MIA3: variants seen among roughly 807,000 people sequenced by gnomAD.
MIA3 encodes MIA SH3 domain ER export factor 3.
In MIA3, 90 loss-of-function variants were observed where a neutral mutation model predicts 192.4. That is an observed-to-expected ratio of 0.47 (90% CI 0.39 to 0.56). MIA3 has a LOEUF of 0.56. Ranked by LOEUF, MIA3 falls within the 20% of genes least tolerant of loss-of-function variation. The pLI, the probability that MIA3 is intolerant of heterozygous loss-of-function variation, is 0.00. For synonymous variants in MIA3, 740 were observed against 792.8 expected, an observed-to-expected ratio of 0.93 and a Z score of 1.12; for missense variants, 2,123 against 2,269.4, an observed-to-expected ratio of 0.94 and a Z score of 1.31.
At chr1:222,659,158 G>T (rs559845568) in intron 19 of MIA3, 1 of 435,506 alleles carries the variant, frequency 2.3e-6, no homozygotes, top group South Asian at 3.4e-5. Context: ...GTAATTAAAG[G>T]ATGAAAAAAG....
intron 2 of MIA3, among the ~76,000 whole-genome samples, chr1:222,624,310 T>A (rs1049326467): frequency 6.6e-6 from 1 of 152,148 alleles, no homozygotes; most frequent in Non-Finnish European, 1.5e-5. Context: ...GAGAGAAATA[T>A]AAACAAACGT....
intron 27 of MIA3, among the ~76,000 whole-genome samples, chr1:222,664,508 A>G (rs1046808217): frequency 6.6e-6 from 1 of 152,232 alleles, no homozygotes; most frequent in Non-Finnish European, 1.5e-5. Flanking sequence ...ACATTCTACA[A>G]CATAAAGCTT....
chr1:222,660,119 A>G (rs1663935657), intron 23 of MIA3, 58 bp from the exon 24 acceptor site: 2 of 1,597,198 alleles, frequency 1.3e-6, no homozygotes, highest in African/African-American at 1.4e-5. Flanking sequence ...TAATCCCAAG[A>G]ACTGAATAAA....
chr1:222,644,288 G>C, intron 6 of MIA3: 1 of 1,405,586 alleles, frequency 7.1e-7, no homozygotes, highest in Non-Finnish European at 9.3e-7. Flanking sequence ...AGGTGCGCCA[G>C]GGGCAGTGGC....
chr1:222,632,055 A>G (rs969528692), intron 4 of MIA3, 110 bp from the exon 5 acceptor site: 1 of 825,920 alleles, frequency 1.2e-6, no homozygotes, highest in Non-Finnish European at 1.9e-6. Context: ...GCTCCATGGG[A>G]TGCCCATGCA....
intron 6 of MIA3, among the ~76,000 whole-genome samples, chr1:222,642,337 C>T (rs1306763272): frequency 6.6e-6 from 1 of 152,110 alleles, no homozygotes; most frequent in African/African-American, 2.4e-5. Context: ...GTAGTAGTCT[C>T]TACTTTTCTC....
chr1:222,660,307 T>A lies in MIA3; in HGVS notation c.5106T>A (p.Ser1702Arg). The A allele has an allele frequency of 4.4e-6, 7 of 1,607,232 alleles. No homozygotes were observed. The highest frequency in any genetic ancestry group is 5.9e-6 in the Non-Finnish European group (7 of 1,177,822). The stretch of plus-strand genomic sequence containing the variant: ...TCAATCGAAGAGATATGCCTAGAAG[T>A]GAATTTGGTGAGCATTCACATGTTT... ...ATLNRRDMPR[S>R]EFGSVDGPLP... The change falls in exon 24 of 28, where the codon AGT becomes AGA. Residue 1702 changes from serine (S) to arginine (R), a missense_variant. Physicochemically the swap from Ser to Arg is moderately radical, Grantham distance 110. This residue lies in a region of MIA3 where 762 missense variants were observed against 856.4 expected (regional missense o/e 0.89). Coordinates refer to ENST00000344922, the MANE Select transcript of MIA3 (RefSeq NM_198551.4).
chr1:222,658,550 C>T, intron 18 of MIA3, 172 bp from the exon 19 acceptor site: 1 of 479,746 alleles, frequency 2.1e-6, no homozygotes, highest in Non-Finnish European at 3.8e-6. Flanking sequence ...GATGTATCAA[C>T]AGGCCACAGT....
chr1:222,654,634 CA>C lies in MIA3; in HGVS notation c.4469-18del. The C allele has an allele frequency of 6.2e-7, 1 of 1,612,008 alleles. No individual in the cohort carries two copies. Among genetic ancestry groups the C allele is most frequent in the Non-Finnish European group, 8.5e-7 (1 of 1,179,098 alleles). ...AGTTCTTGTGCACACATATGGAACT[CA>C]AATGTTTTATCCTTTACAGACCAGG... On this transcript the variant is annotated intron_variant, in intron 17 of 27. Transcript: ENST00000344922.
At chr1:222,641,883 C>A (rs1662877067) in intron 6 of MIA3, 2 of 461,750 alleles carry the variant, frequency 4.3e-6, no homozygotes, top group Non-Finnish European at 4.4e-6. Flanking sequence ...AAGCCTAAAA[C>A]TGGAAAAAAT....
chr1:222,622,392 T>C (rs914831396), intron 2 of MIA3, among the ~76,000 whole-genome samples: 2 of 152,238 alleles, frequency 1.3e-5, no homozygotes, highest in Admixed American at 1.3e-4. Context: ...CTCGATATCT[T>C]TAGGATTGTC....
Position 222,644,785 on chromosome 1 carries a change from T to A in MIA3, c.3478-769T>A, listed in dbSNP as rs116425286. Among the ~76,000 whole-genome samples, 569 of 152,174 alleles carry A rather than the reference T, an allele frequency of 3.7e-3. 2 individuals carry two copies. The highest frequency in any genetic ancestry group is 0.011 in the African/African-American group (474 of 41,490). ...AGGTTTCGTCACTCTTTTTTTTTTTTTTATTGAGTACTTACGAAGTGACAG... is the reference window on the plus strand; with the variant it reads ...AGGTTTCGTCACTCTTTTTTTTTTTATTATTGAGTACTTACGAAGTGACAG... On this transcript the variant is annotated intron_variant, in intron 6 of 27. Transcript: ENST00000344922.
At chr1:222,650,173 T>G in intron 8 of MIA3, 119 bp from the exon 9 acceptor site, 1 of 710,416 alleles carries the variant, frequency 1.4e-6, no homozygotes, top group Non-Finnish European at 2.6e-6. Context: ...CCATAATAGT[T>G]ATGCTGAGAA....
intron 11 of MIA3, among the ~76,000 whole-genome samples, chr1:222,651,415 T>C (rs1165354168): frequency 1.3e-5 from 2 of 151,868 alleles, no homozygotes; most frequent in Non-Finnish European, 2.9e-5. Context: ...TTGTACTCTT[T>C]GGAAGGAAGT....
At position 222,665,491 on chromosome 1, in the gene MIA3, G is replaced by A. The variant is rs200782104; in HGVS notation, c.5596G>A (p.Gly1866Ser). Residue 1866 changes from glycine (G) to serine (S), a missense_variant, in exon 28 of 28, where the codon GGT becomes AGT. This residue lies in a region of MIA3 where 762 missense variants were observed against 856.4 expected (regional missense o/e 0.89). Coordinates refer to ENST00000344922, the MANE Select transcript of MIA3 (RefSeq NM_198551.4). ...TACCCGATTACCACCCCCAACCCAT[G>A]GTCCCCAGGAATACCCACCACCACC... Reference protein sequence around the residue: ...PGTRLPPPTHGPQEYPPPPAV... With the variant: ...PGTRLPPPTHSPQEYPPPPAV... 66 of 1,613,982 alleles carry A rather than the reference G, an allele frequency of 4.1e-5. No homozygotes were observed. In the African/African-American group the frequency reaches 8.4e-4, roughly 21 times the overall value.
intron 6 of MIA3, among the ~76,000 whole-genome samples, chr1:222,633,671 C>G (rs3002145): frequency 2.0e-4 from 30 of 151,192 alleles, no homozygotes; most frequent in African/African-American, 7.1e-4. Context: ...TAAGCAGATT[C>G]GAAAGAGATG....
Position 222,659,531 on chromosome 1 carries a change from C to G in MIA3, c.4770+18C>G. ...AAAACCAGGTAATAATTCTAGTGCC[C>G]TACTATATAGTGCCCGGAATTCTTT... On this transcript the variant is annotated intron_variant, in intron 20 of 27. Coordinates refer to ENST00000344922, the MANE Select transcript of MIA3 (RefSeq NM_198551.4). 6.2e-7 allele frequency: 1 copy of G among 1,612,156 alleles called. No individual in the cohort carries two copies. Among genetic ancestry groups the G allele is most frequent in the Non-Finnish European group, 8.5e-7 (1 of 1,178,396 alleles).
At position 222,618,257 on chromosome 1, in the gene MIA3, AGGGGCGGCTGGCCTC is replaced by A. The variant is rs573900426; in HGVS notation, c.133+29_133+43del. ...ACGAATGCAGCAGTGAGTGCGCTGGAGGGGCGGCTGGCCTCGGGGCGGCTGGCCTTGGGGTCTCCG... is the reference window on the plus strand; with the variant it reads ...ACGAATGCAGCAGTGAGTGCGCTGGAGGGGCGGCTGGCCTTGGGGTCTCCG... On this transcript the variant is annotated intron_variant, in intron 1 of 27. Transcript: ENST00000344922. 9.8e-3 allele frequency: 13,940 copies of A among 1,426,620 alleles called. 62 individuals carry two copies. The highest frequency in any genetic ancestry group is 0.018 in the Middle Eastern group (97 of 5,342). The allele number at this position is 1,426,620 out of a possible 1,614,324, so 88.4% of individuals were successfully genotyped here.
chr1:222,644,564 C>G (rs1407763316), intron 6 of MIA3: 1 of 1,550,608 alleles, frequency 6.4e-7, no homozygotes, highest in Middle Eastern at 1.7e-4. Context: ...CTCTACGCAG[C>G]CTTCATAGCC....
Sources: gnomAD v4.1 joint callset for allele counts (sites outside exome capture counted in the v4.1 genomes callset) on GRCh38, gnomAD v4.1.1 for gene constraint, gnomAD v4.1.1 regional missense constraint, MANE v1.5 for transcripts, NCBI Gene and HGNC (gene_info 2026-07-23, HGNC 2026-07-21) for gene names.